Variants in RXFP1 observed in about 807,000 individuals in gnomAD.
The protein encoded by RXFP1 is relaxin family peptide receptor 1.
RXFP1 carries 73 observed loss-of-function variants against 89.8 expected under a neutral mutation model. The observed-to-expected ratio is 0.81, with a 90% CI of 0.67 to 0.99. The LOEUF is 0.99. Ranked by LOEUF, RXFP1 falls within the 50% of genes least tolerant of loss-of-function variation. The pLI, the probability that RXFP1 is intolerant of heterozygous loss-of-function variation, is 0.00. For synonymous variants in RXFP1, 277 were observed against 305.5 expected, an observed-to-expected ratio of 0.91 and a Z score of 0.97; for missense variants, 793 against 895.5, an observed-to-expected ratio of 0.89 and a Z score of 1.46.
At chr4:158,560,682 C>T (rs1457905322) in intron 1 of RXFP1, among the ~76,000 whole-genome samples, 3 of 152,176 alleles carry the variant, frequency 2.0e-5, no homozygotes, top group Non-Finnish European at 2.9e-5. Context: ...CTTGCCAGCA[C>T]GTGTGTTGCC....
intron 1 of RXFP1, among the ~76,000 whole-genome samples, chr4:158,554,043 G>A (rs1050649193): frequency 1.3e-5 from 2 of 152,046 alleles, no homozygotes; most frequent in African/African-American, 4.8e-5. Context: ...CAGCATCCTT[G>A]CACTCTACCT....
At chr4:158,602,035 C>G (rs1761778949) in intron 4 of RXFP1, among the ~76,000 whole-genome samples, 1 of 152,164 alleles carries the variant, frequency 6.6e-6, no homozygotes, top group Non-Finnish European at 1.5e-5. Flanking sequence ...CTCTCTCACA[C>G]ACATACAAAC....
At chr4:158,590,895 A>T (rs1759317928) in intron 2 of RXFP1, among the ~76,000 whole-genome samples, 1 of 152,242 alleles carries the variant, frequency 6.6e-6, no homozygotes, top group South Asian at 2.1e-4. Context: ...CTGCGGAAGG[A>T]GTCAGAGGTA....
intron 4 of RXFP1, among the ~76,000 whole-genome samples, chr4:158,601,324 T>A (rs1281212260): frequency 6.6e-6 from 1 of 152,092 alleles, no homozygotes; most frequent in Non-Finnish European, 1.5e-5. Context: ...AGCAACAGTA[T>A]GATCGGAGAA....
chr4:158,579,365 T>C (rs1468435901), intron 2 of RXFP1, among the ~76,000 whole-genome samples: 1 of 151,872 alleles, frequency 6.6e-6, no homozygotes, highest in East Asian at 1.9e-4. Context: ...GCCTACCGGG[T>C]TCAAGCAATT....
At chr4:158,543,561 G>A (rs1296749527) in intron 1 of RXFP1, among the ~76,000 whole-genome samples, 1 of 152,174 alleles carries the variant, frequency 6.6e-6, no homozygotes, top group African/African-American at 2.4e-5. Context: ...ACAAGATGGG[G>A]ATTGTGTTAA....
In RXFP1 at chr4:158,617,948, T is replaced by G. The variant is rs144494473; in HGVS notation, c.755+743T>G. Among the ~76,000 whole-genome samples the G allele has an allele frequency of 6.6e-5, 10 of 152,238 alleles. No homozygotes were observed. In the East Asian group the frequency reaches 1.9e-3, roughly 29 times the overall value. On this transcript the variant is annotated intron_variant, in intron 9 of 17. Transcript: ENST00000307765. Reference sequence around the variant, plus strand: ...AAAAGTTAGAGTCAGAAGCATTGATTGTAGTCAGAAGTAACAACTATCAAC... The same window carrying G: ...AAAAGTTAGAGTCAGAAGCATTGATGGTAGTCAGAAGTAACAACTATCAAC...
chr4:158,575,377 T>C (rs941504991), intron 2 of RXFP1, among the ~76,000 whole-genome samples: 1 of 152,148 alleles, frequency 6.6e-6, no homozygotes, highest in Non-Finnish European at 1.5e-5. Context: ...AGAGTATCCA[T>C]GTTCATGGGT....
chr4:158,628,813 C>T lies in RXFP1; in HGVS notation c.899+104C>T, dbSNP rs28429055. 7.1e-4 allele frequency: 379 copies of T among 532,050 alleles called. 1 individual carries two copies. Among genetic ancestry groups the T allele is most frequent in the African/African-American group, 6.9e-3 (349 of 50,506 alleles). The allele number at this position is 532,050 out of a possible 1,614,324, so 33.0% of individuals were successfully genotyped here. On this transcript the variant is annotated intron_variant, in intron 11 of 17. Transcript: ENST00000307765. ...ATTTAAGAAATATTACTTATCTCCTCTTTCTAAGCATTATTTACATATATA... is the reference window on the plus strand; with the variant it reads ...ATTTAAGAAATATTACTTATCTCCTTTTTCTAAGCATTATTTACATATATA...
rs76931390 is a variant in RXFP1, at chr4:158,544,596, C to A, written c.49+22571C>A. Reference sequence around the variant, plus strand: ...TATATACCCTAATGCTATCCCTCCCCCTACCCCTACCCCCCAACAGTCCCT... The same window carrying A: ...TATATACCCTAATGCTATCCCTCCCACTACCCCTACCCCCCAACAGTCCCT... On this transcript the variant is annotated intron_variant, in intron 1 of 17. Transcript: ENST00000307765. Among the ~76,000 whole-genome samples, 514 of 152,132 alleles carry A rather than the reference C, an allele frequency of 3.4e-3. 1 individual carries two copies. The highest frequency in any genetic ancestry group is 0.012 in the African/African-American group (488 of 41,496).
At position 158,605,097 on chromosome 4, in the gene RXFP1, T is replaced by C; in HGVS notation, c.422T>C (p.Leu141Pro). 1 of 1,592,058 alleles carries C rather than the reference T, an allele frequency of 6.3e-7. No homozygotes were observed. Among genetic ancestry groups the C allele is most frequent in the Non-Finnish European group, 8.6e-7 (1 of 1,163,862 alleles). Residue 141 changes from leucine to proline, a missense_variant, in exon 5 of 18, where the codon CTT becomes CCT. Coordinates refer to ENST00000307765, the MANE Select transcript of RXFP1 (RefSeq NM_021634.4). ...CTTCAGTGGAACTTAATAAGAAAGC[T>C]TCCTCCTGATTGCTTCAAGAATTAT... is the stretch of plus-strand genomic sequence containing the variant. ...MSLQWNLIRK[L>P]PPDCFKNYHD...
At chr4:158,595,634 TA>T (rs1435928657) in intron 3 of RXFP1, among the ~76,000 whole-genome samples, 2 of 152,252 alleles carry the variant, frequency 1.3e-5, no homozygotes, top group Non-Finnish European at 2.9e-5. Context: ...TCCTTTGCTA[TA>T]TTTTTTTCTT....
Position 158,608,279 on chromosome 4 carries a change from CTTTTTTTTTT to C in RXFP1, c.536+255_536+264del, listed in dbSNP as rs756131500. Among the ~76,000 whole-genome samples, 163 of 76,090 alleles carry C rather than the reference CTTTTTTTTTT, an allele frequency of 2.1e-3. 1 individual carries two copies. The highest frequency in any genetic ancestry group is 9.8e-3 in the Middle Eastern group (1 of 102). The allele number at this position is 76,090 out of a possible 152,430, so 49.9% of individuals were successfully genotyped here. The stretch of plus-strand genomic sequence containing the variant: ...GATCTTGAGCAATTTGTATTCCTTT[CTTTTTTTTTT>C]TTTTTTTTTTTTTTTTTTGAGACAG... On this transcript the variant is annotated intron_variant, in intron 6 of 17. Coordinates refer to ENST00000307765, the MANE Select transcript of RXFP1 (RefSeq NM_021634.4).
At chr4:158,567,498 T>A (rs1227403938) in intron 1 of RXFP1, among the ~76,000 whole-genome samples, 1 of 152,064 alleles carries the variant, frequency 6.6e-6, no homozygotes, top group African/African-American at 2.4e-5. Context: ...GGTTTGTGAA[T>A]GCACCAATCA....
intron 1 of RXFP1, among the ~76,000 whole-genome samples, chr4:158,566,516 A>T (rs1236146156): frequency 6.6e-6 from 1 of 152,054 alleles, no homozygotes; most frequent in Non-Finnish European, 1.5e-5. Context: ...GGCGCCCGCC[A>T]TCACACCCAG....
chr4:158,584,429 G>C (rs1757913829), intron 2 of RXFP1, among the ~76,000 whole-genome samples: 1 of 147,804 alleles, frequency 6.8e-6, no homozygotes, highest in African/African-American at 2.5e-5. Flanking sequence ...GTGAGACTCT[G>C]TCTCCAAAAA....
intron 1 of RXFP1, among the ~76,000 whole-genome samples, chr4:158,547,712 A>G (rs1006232565): frequency 6.6e-6 from 1 of 151,902 alleles, no homozygotes. Context: ...TATGTACCCA[A>G]TAGTCATTCA....
chr4:158,598,596 T>C (rs2150086414), intron 3 of RXFP1, among the ~76,000 whole-genome samples: 1 of 152,290 alleles, frequency 6.6e-6, no homozygotes, highest in South Asian at 2.1e-4. Flanking sequence ...TGCAAATCTC[T>C]AATAGACTTT....
rs564896983 is a variant in RXFP1, at chr4:158,632,964, G to T, written c.900-441G>T. On this transcript the variant is annotated intron_variant, in intron 11 of 17. Transcript: ENST00000307765. ...AGGCGATTGGATCACAAGGTCAGGAGTTCGAGACCAACCTGGCCAACATAG... is the reference window on the plus strand; with the variant it reads ...AGGCGATTGGATCACAAGGTCAGGATTTCGAGACCAACCTGGCCAACATAG... Among the ~76,000 whole-genome samples the T allele has an allele frequency of 2.0e-3, 299 of 152,284 alleles. 1 individual carries two copies. Among genetic ancestry groups the T allele is most frequent in the African/African-American group, 6.8e-3 (281 of 41,546 alleles).
Sources: gnomAD v4.1 joint callset for allele counts (sites outside exome capture counted in the v4.1 genomes callset) on GRCh38, gnomAD v4.1.1 for gene constraint, MANE v1.5 for transcripts, NCBI Gene and HGNC (gene_info 2026-07-23, HGNC 2026-07-21) for gene names.